NAA35: variants seen among roughly 807,000 people sequenced by gnomAD.
NAA35 encodes the protein N-alpha-acetyltransferase 35, NatC auxiliary subunit.
NAA35 carries 18 observed loss-of-function variants against 101.7 expected under a neutral mutation model. The observed-to-expected ratio is 0.18, with a 90% confidence interval of 0.12 to 0.26. NAA35 has a LOEUF of 0.26. Ranked by LOEUF, NAA35 falls within the 10% of genes least tolerant of loss-of-function variation. The pLI, the probability that NAA35 is intolerant of heterozygous loss-of-function variation, is 1.00. For missense variants in NAA35, 601 were observed against 886.8 expected (o/e 0.68, Z 4.09); for synonymous variants, 267 against 273.1 (o/e 0.98, Z 0.22).
At chr9:85,953,155 A>G (rs538498060) in intron 2 of NAA35, among the ~76,000 whole-genome samples, 5 of 151,828 alleles carry the variant, frequency 3.3e-5, no homozygotes, top group Admixed American at 6.6e-5. Context: ...CAAGGCTGCA[A>G]TGAGCTGTGA....
chr9:85,970,584 C>T (rs1457994077), intron 6 of NAA35, among the ~76,000 whole-genome samples: 1 of 152,060 alleles, frequency 6.6e-6, no homozygotes, highest in African/African-American at 2.4e-5. Context: ...TGTGGCATTC[C>T]TATCAAATAT....
In NAA35 at chr9:85,974,950, A is replaced by G. The variant is rs1192009915; in HGVS notation, c.517-17A>G. 1.3e-6 allele frequency: 2 copies of G among 1,595,742 alleles called. No individual in the cohort carries two copies. Among genetic ancestry groups the G allele is most frequent in the South Asian group, 1.1e-5 (1 of 89,484 alleles). ...TTTTTTGCTATTCATGAGCCTGATT[A>G]TTTCCTTTTTGTATAGGAAGATTTT... On this transcript the variant is annotated splice_polypyrimidine_tract_variant and intron_variant, in intron 6 of 22. Coordinates refer to ENST00000361671, the MANE Select transcript of NAA35 (RefSeq NM_024635.4).
intron 2 of NAA35, among the ~76,000 whole-genome samples, chr9:85,945,005 G>C (rs1367665344): frequency 6.6e-6 from 1 of 152,142 alleles, no homozygotes; most frequent in Non-Finnish European, 1.5e-5. Flanking sequence ...TTCTCTACTT[G>C]TTTTTGATTG....
intron 6 of NAA35, among the ~76,000 whole-genome samples, chr9:85,969,881 G>C (rs572286577): frequency 6.6e-6 from 1 of 150,780 alleles, no homozygotes; most frequent in Non-Finnish European, 1.5e-5. Context: ...AAAAAAAGAT[G>C]TGTTCATATT....
rs760458648 is a variant in NAA35, at chr9:85,959,749, TA to T, written c.274-37del. The T allele has an allele frequency of 4.9e-6, 7 of 1,427,494 alleles. No homozygotes were observed. The African/African-American group carries it at 8.6e-5, about 17-fold the overall frequency. 88.4% of individuals were successfully genotyped at this position (1,427,494 alleles called of 1,614,324 possible). A position where few individuals can be genotyped will look rare whatever the true frequency, so the allele number is the denominator to read the frequency against. On this transcript the variant is annotated intron_variant, in intron 4 of 22. Transcript: ENST00000361671. ...CTACTATACATAGTAACCATAAGTTTAAAAAAATTTCTGCTTATATGTCACA... is the reference window on the plus strand; with the variant it reads ...CTACTATACATAGTAACCATAAGTTTAAAAAATTTCTGCTTATATGTCACA...
chr9:85,978,181 C>A (rs1297991219), intron 10 of NAA35, 86 bp from the exon 11 acceptor site: 9 of 818,094 alleles, frequency 1.1e-5, no homozygotes, highest in South Asian at 7.5e-5. Flanking sequence ...CATTTAATTT[C>A]ATTATTGTTT....
Position 86,007,397 on chromosome 9 carries a change from C to G in NAA35, c.1156C>G (p.His386Asp). The change falls in exon 14 of 23, where the codon CAT (histidine) becomes GAT (aspartate). Residue 386 changes from histidine (H) to aspartate (D), a missense_variant. Transcript: ENST00000361671. ...GGATAACAAAAAGGTCTTTGGAACT[C>G]ATCTCATGCAAGACATGGTGAAAGA... ...LVDNKKVFGT[H>D]LMQDMVKDAL... 6.2e-7 allele frequency: 1 copy of G among 1,613,890 alleles called. No homozygotes were observed. Among genetic ancestry groups the G allele is most frequent in the Non-Finnish European group, 8.5e-7 (1 of 1,179,858 alleles).
chr9:85,957,541 C>T (rs1290852233), intron 3 of NAA35, among the ~76,000 whole-genome samples: 1 of 152,206 alleles, frequency 6.6e-6, no homozygotes, highest in Non-Finnish European at 1.5e-5. Flanking sequence ...GCCCCAGACA[C>T]TTCCCACTAG....
intron 11 of NAA35, among the ~76,000 whole-genome samples, chr9:85,988,690 G>A (rs922285777): frequency 6.6e-6 from 1 of 152,070 alleles, no homozygotes; most frequent in African/African-American, 2.4e-5. Flanking sequence ...CAGCTACTCA[G>A]GAGGCTGAGT....
At chr9:85,975,814 C>T (rs1244985493) in intron 8 of NAA35, among the ~76,000 whole-genome samples, 3 of 152,092 alleles carry the variant, frequency 2.0e-5, no homozygotes, top group Non-Finnish European at 4.4e-5. Context: ...CTATCTTGTT[C>T]ACCTTTGTAT....
At position 85,971,801 on chromosome 9, in the gene NAA35, A is replaced by C. The variant is rs560625588; in HGVS notation, c.517-3166A>C. The stretch of plus-strand genomic sequence containing the variant: ...TCATATCCACATTCAGTTCATCAGC[A>C]TATCATGTTAGCTCTACCTTTGAAA... On this transcript the variant is annotated intron_variant, in intron 6 of 22. Coordinates refer to ENST00000361671, the MANE Select transcript of NAA35 (RefSeq NM_024635.4). Among the ~76,000 whole-genome samples the C allele has an allele frequency of 5.1e-4, 77 of 152,032 alleles. 1 individual carries two copies. The South Asian group carries it at 9.5e-3, about 19-fold the overall frequency.
intron 11 of NAA35, chr9:85,986,634 G>C (rs991917933): frequency 2.8e-6 from 1 of 351,500 alleles, no homozygotes; most frequent in African/African-American, 2.2e-5. Context: ...GCCTAGGCTG[G>C]AGTGCAATGG....
intron 6 of NAA35, among the ~76,000 whole-genome samples, chr9:85,966,219 C>G (rs565783304): frequency 6.6e-6 from 1 of 152,110 alleles, no homozygotes. Context: ...GGAATTATAG[C>G]TGTGAGCCAC....
At chr9:86,005,660 C>T (rs1564320804) in intron 13 of NAA35, among the ~76,000 whole-genome samples, 2 of 152,080 alleles carry the variant, frequency 1.3e-5, no homozygotes, top group African/African-American at 4.8e-5. Flanking sequence ...ATACAGAAAG[C>T]AGTTGTAATT....
chr9:85,946,753 G>T (rs1487156539), intron 2 of NAA35, among the ~76,000 whole-genome samples: 1 of 151,242 alleles, frequency 6.6e-6, no homozygotes, highest in African/African-American at 2.4e-5. Context: ...TATTCTTTCA[G>T]TGTGGCTCAG....
intron 15 of NAA35, among the ~76,000 whole-genome samples, chr9:86,011,838 A>G (rs1294504828): frequency 6.9e-6 from 1 of 145,094 alleles, no homozygotes; most frequent in Non-Finnish European, 1.5e-5. Flanking sequence ...GGTTTAGTAT[A>G]TTAGACTTTG....
intron 20 of NAA35, 146 bp downstream of exon 20, chr9:86,018,541 T>C (rs1025013591): frequency 3.0e-6 from 4 of 1,318,024 alleles, no homozygotes; most frequent in East Asian, 2.4e-5. Flanking sequence ...TTGAGAATTA[T>C]ATATTACCTA....
chr9:85,990,633 T>G (rs1830861130), intron 11 of NAA35, among the ~76,000 whole-genome samples: 2 of 152,188 alleles, frequency 1.3e-5, no homozygotes, highest in African/African-American at 4.8e-5. Context: ...ATAACAAAAC[T>G]CAGTTCTGAT....
intron 2 of NAA35, among the ~76,000 whole-genome samples, chr9:85,946,682 C>T (rs1242667372): frequency 1.5e-5 from 2 of 130,788 alleles, no homozygotes; most frequent in African/African-American, 3.6e-5. Context: ...TTTTTTTTTG[C>T]GATTTTTTTT....
Sources: allele counts gnomAD v4.1 joint callset (sites outside exome capture counted in the v4.1 genomes callset), GRCh38; gene constraint gnomAD v4.1.1; transcripts MANE v1.5; gene names NCBI Gene and HGNC (gene_info 2026-07-23, HGNC 2026-07-21).